NFIB: variants seen among roughly 807,000 people sequenced by gnomAD.
NFIB encodes the protein nuclear factor I B.
A neutral mutation model predicts 61.5 loss-of-function variants in NFIB; 11 were observed. The ratio of observed to expected loss-of-function variants is 0.18; its 90% confidence interval spans 0.11 to 0.30. The LOEUF is 0.30. NFIB is among the 10% of genes least tolerant of loss of function. The probability of loss-of-function intolerance (pLI) is 1.00; values close to 1 mark genes in which losing one functional copy is unlikely to be tolerated. For synonymous variants in NFIB, 260 were observed against 216.5 expected (o/e 1.20, Z -1.76); for missense variants, 471 against 608.9 (o/e 0.77, Z 2.38).
At position 14,307,102 on chromosome 9, in the gene NFIB, C is replaced by T. The variant is rs1161673550; in HGVS notation, c.449G>A (p.Arg150Gln). ...GIPLESTDGE[R>Q]LMKSPHCTNP... ...TGTGCAATGTGGGGATTTCATGAGC[C>T]GCTCTCCATCGGTACTTTCCAAGGG... is the stretch of plus-strand genomic sequence containing the variant. Residue 150 changes from arginine (R) to glutamine (Q), a missense_variant, in exon 2 of 11, where the codon CGG (arginine) becomes CAG (glutamine). By Grantham distance (43) the Arg-to-Gln change is conservative (BLOSUM62 1). This residue lies in a region of NFIB where 99 missense variants were observed against 213.3 expected (regional missense o/e 0.46). Transcript: ENST00000380953. The surrounding 1 kb of genome is among the most constrained non-coding windows in gnomAD (Gnocchi z 5.3). 1 of 1,614,100 alleles carries T rather than the reference C, an allele frequency of 6.2e-7. No individual in the cohort carries two copies. The highest frequency in any genetic ancestry group is 8.5e-7 in the Non-Finnish European group (1 of 1,180,018).
Position 14,116,317 on chromosome 9 carries a change from T to C in NFIB, c.1275A>G (p.Lys425=), listed in dbSNP as rs2038130635. Residue 425 remains lysine (K), a synonymous_variant, in exon 9 of 11, where the codon AAA becomes AAG. Coordinates refer to ENST00000380953, the MANE Select transcript of NFIB (RefSeq NM_001190737.2). The part of the protein sequence containing the change: ...QPNGSGQVVG[K]VPGHFTPVLA... ...AGACAGGAGTGAAATGGCCAGGCAC[T>C]TTCCCTACTACTTGACCACTGCCGT... is the stretch of plus-strand genomic sequence containing the variant. The C allele has an allele frequency of 6.5e-7, 1 of 1,532,710 alleles. No homozygotes were observed. The highest frequency in any genetic ancestry group is 8.8e-7 in the Non-Finnish European group (1 of 1,138,206). The allele number at this position is 1,532,710 out of a possible 1,614,324, so 94.9% of individuals were successfully genotyped here.
chr9:14,213,588 T>G (rs1347686735), intron 2 of NFIB, among the ~76,000 whole-genome samples: 1 of 152,200 alleles, frequency 6.6e-6, no homozygotes, highest in Non-Finnish European at 1.5e-5. Flanking sequence ...GAACCACTGC[T>G]ACACAGTAAC....
At chr9:14,416,888 T>C in the NFIB span, among the ~76,000 whole-genome samples, 3 of 141,482 alleles carry the variant, frequency 2.1e-5, no homozygotes, top group Non-Finnish European at 3.0e-5. Flanking sequence ...GTATACTATT[T>C]TTACTTTTTT....
At chr9:14,387,607 A>C (rs2061564159) in intron 1 of NFIB, among the ~76,000 whole-genome samples, 1 of 152,252 alleles carries the variant, frequency 6.6e-6, no homozygotes, top group African/African-American at 2.4e-5. Context: ...AAACATATGA[A>C]AAGACTTTCT....
chr9:14,413,332 G>A, the NFIB span, among the ~76,000 whole-genome samples: 2 of 152,118 alleles, frequency 1.3e-5, no homozygotes, highest in Non-Finnish European at 1.5e-5. Context: ...ATGAGGAGTG[G>A]GGGGAAGCAT....
chr9:14,098,991 A>C (rs1454561705), intron 10 of NFIB, among the ~76,000 whole-genome samples: 1 of 152,186 alleles, frequency 6.6e-6, no homozygotes, highest in Admixed American at 6.5e-5. Flanking sequence ...CTTTGATTAT[A>C]CTTGCACAGC....
intron 2 of NFIB, among the ~76,000 whole-genome samples, chr9:14,254,246 A>G (rs1395174331): frequency 6.6e-6 from 1 of 152,106 alleles, no homozygotes. Flanking sequence ...GGTTGCAGCG[A>G]GCCATGATCA....
intron 6 of NFIB, among the ~76,000 whole-genome samples, chr9:14,127,950 C>A (rs1173373567): frequency 1.1e-3 from 155 of 135,390 alleles, no homozygotes; most frequent in South Asian, 2.8e-3. Context: ...AAAAAAAAAA[C>A]CAGAAATAAA....
the NFIB span, among the ~76,000 whole-genome samples, chr9:14,504,595 T>G: frequency 1.1e-4 from 17 of 152,290 alleles, no homozygotes; most frequent in East Asian, 3.1e-3. Flanking sequence ...TTGCAGCTAT[T>G]ATTAAAGGGG....
intron 1 of NFIB, among the ~76,000 whole-genome samples, chr9:14,343,055 G>C (rs903339914): frequency 2.0e-5 from 3 of 151,980 alleles, no homozygotes; most frequent in Non-Finnish European, 4.4e-5. Context: ...TGGCCGGGGG[G>C]GTAGGGGAGT....
chr9:14,376,809 C>T lies in NFIB; in HGVS notation c.108+21715G>A, dbSNP rs574870504. The stretch of plus-strand genomic sequence containing the variant: ...CTGGGATTACAGGCATGAGCCACTG[C>T]GCCTGGCTTAAAAGTGCCATTTTTT... On this transcript the variant is annotated intron_variant, in intron 1 of 8. Coordinates refer to the NFIB transcript ENST00000380934. 5.2e-4 allele frequency among the ~76,000 whole-genome samples: 79 copies of T among 151,460 alleles called. 1 individual carries two copies. The highest frequency in any genetic ancestry group is 1.8e-3 in the African/African-American group (76 of 41,224).
intron 1 of NFIB, among the ~76,000 whole-genome samples, chr9:14,346,290 A>AACCCCCCCCCC (rs2061019183): frequency 3.4e-5 from 3 of 88,394 alleles, no homozygotes; most frequent in Non-Finnish European, 5.1e-5. Flanking sequence ...GGTAACCGAC[A>AACCCCCCCCCC]CCCCCCCCCC....
At chr9:14,516,637 A>G in the NFIB span, among the ~76,000 whole-genome samples, 80 of 152,160 alleles carry the variant, frequency 5.3e-4, no homozygotes, top group Non-Finnish European at 1.2e-4. Context: ...ATTAGATGCA[A>G]TCTTTTTCCA....
upstream of NFIB, chr9:14,314,508 CCTCT>C (rs2060448267): frequency 6.6e-6 from 1 of 152,006 alleles, no homozygotes; most frequent in Non-Finnish European, 1.5e-5. Flanking sequence ...TTTTTCCCTC[CCTCT>C]CTTGCTTTCT....
chr9:14,239,410 C>T (rs1476310239), intron 2 of NFIB, among the ~76,000 whole-genome samples: 1 of 152,140 alleles, frequency 6.6e-6, no homozygotes, highest in Non-Finnish European at 1.5e-5. Context: ...ACTTAACATA[C>T]AAACTGTTTC....
At chr9:14,414,447 A>AAG in the NFIB span, among the ~76,000 whole-genome samples, 5 of 149,694 alleles carry the variant, frequency 3.3e-5, no homozygotes, top group South Asian at 6.3e-4. Context: ...AAAAAAAAAA[A>AAG]AAAAGAAAAC....
chr9:14,392,717 T>TGA (rs1564054890), intron 1 of NFIB, among the ~76,000 whole-genome samples: 39 of 150,148 alleles, frequency 2.6e-4, no homozygotes, highest in African/African-American at 7.6e-4. Flanking sequence ...AGACCTTGTC[T>TGA]CAAAAAAAAA....
chr9:14,249,399 T>C (rs994670993), intron 2 of NFIB, among the ~76,000 whole-genome samples: 2 of 152,212 alleles, frequency 1.3e-5, no homozygotes, highest in Admixed American at 6.5e-5. Context: ...CACATATTTA[T>C]AAGATCCCTT....
chr9:14,099,739 A>G (rs544991831), intron 10 of NFIB, among the ~76,000 whole-genome samples: 124 of 152,318 alleles, frequency 8.1e-4, no homozygotes, highest in Non-Finnish European at 1.3e-3. Flanking sequence ...GCCATTATCA[A>G]TTATGTGCTT....
Sources: allele counts gnomAD v4.1 joint callset (sites outside exome capture counted in the v4.1 genomes callset), GRCh38; gene constraint gnomAD v4.1.1; regional missense constraint gnomAD v4.1.1; non-coding constraint Gnocchi (gnomAD v3.1); transcripts MANE v1.5; gene names NCBI Gene and HGNC (gene_info 2026-07-23, HGNC 2026-07-21).